Variants in RAPGEF1 observed in about 807,000 individuals in gnomAD.
RAPGEF1 encodes Rap guanine nucleotide exchange factor 1, also known as CRK SH3-binding GNRP.
A neutral mutation model predicts 143.3 loss-of-function variants in RAPGEF1; 33 were observed. The observed-to-expected ratio is 0.23, with a 90% CI of 0.17 to 0.31. The LOEUF (loss-of-function observed/expected upper bound fraction) is 0.31, where lower values mean the gene tolerates loss of function less well. Ranked by LOEUF, RAPGEF1 falls within the 10% of genes least tolerant of loss-of-function variation. The pLI is 1.00. For missense variants in RAPGEF1, 1,199 were observed against 1,645.4 expected (o/e 0.73, Z 4.69); for synonymous variants, 629 against 676.5 (o/e 0.93, Z 1.09).
intron 1 of RAPGEF1, among the ~76,000 whole-genome samples, chr9:131,717,635 T>C (rs1025807134): frequency 2.0e-5 from 3 of 151,870 alleles, no homozygotes; most frequent in Non-Finnish European, 2.9e-5. Flanking sequence ...TAGCGAGGCA[T>C]GGTGGTGCAT....
At chr9:131,701,712 G>A (rs745449987) in intron 1 of RAPGEF1, among the ~76,000 whole-genome samples, 39 of 152,056 alleles carry the variant, frequency 2.6e-4, no homozygotes, top group Non-Finnish European at 4.4e-4. Flanking sequence ...TATTACATGC[G>A]TTATTATATC....
intron 4 of RAPGEF1, among the ~76,000 whole-genome samples, chr9:131,640,297 T>C (rs1421009407): frequency 6.6e-6 from 1 of 152,210 alleles, no homozygotes; most frequent in Non-Finnish European, 1.5e-5. Context: ...CCTGATGTGC[T>C]GTAGGAGGAT....
At chr9:131,723,782 G>A (rs944377841) in intron 1 of RAPGEF1, among the ~76,000 whole-genome samples, 14 of 152,058 alleles carry the variant, frequency 9.2e-5, no homozygotes, top group African/African-American at 2.9e-4. Context: ...CTTCTTTTGC[G>A]TACACACCCA....
chr9:131,644,719 C>A (rs1055688376), intron 3 of RAPGEF1, among the ~76,000 whole-genome samples: 10 of 152,242 alleles, frequency 6.6e-5, no homozygotes, highest in African/African-American at 2.4e-4. Context: ...AATCCCAGCA[C>A]TTTGGGAGGC....
In RAPGEF1 at chr9:131,703,421, C is replaced by T. The variant is rs576135769; in HGVS notation, c.61+36349G>A. On this transcript the variant is annotated intron_variant, in intron 1 of 26. Transcript: ENST00000683357. ...TCAACCAAAATTAAATGTAACTTCT[C>T]TGTATGTGGCCTAAAAGCAATAACA... Among the ~76,000 whole-genome samples the T allele has an allele frequency of 2.8e-4, 42 of 152,304 alleles. 1 individual carries two copies. The highest frequency in any genetic ancestry group is 9.8e-4 in the Admixed American group (15 of 15,292).
At chr9:131,601,205 C>T (rs907506735) in intron 15 of RAPGEF1, among the ~76,000 whole-genome samples, 1 of 142,484 alleles carries the variant, frequency 7.0e-6, no homozygotes, top group Non-Finnish European at 1.5e-5. Context: ...AGTTATAAGA[C>T]ATTAAAGAGC....
At chr9:131,658,918 G>T (rs557679362) in intron 1 of RAPGEF1, among the ~76,000 whole-genome samples, 23 of 152,188 alleles carry the variant, frequency 1.5e-4, no homozygotes, top group Non-Finnish European at 3.1e-4. Flanking sequence ...TCCCAACTTA[G>T]CAGTGGTTTC....
At position 131,584,650 on chromosome 9, in the gene RAPGEF1, C is replaced by T. The variant is rs1952421900; in HGVS notation, c.3234-54G>A. 7 of 1,581,374 alleles carry T rather than the reference C, an allele frequency of 4.4e-6. No homozygotes were observed. In the South Asian group the frequency reaches 7.7e-5, roughly 17 times the overall value. On this transcript the variant is annotated intron_variant, in intron 22 of 26. Transcript: ENST00000683357. This position sits in a 1 kb window ranked among gnomAD's most constrained non-coding sequence, Gnocchi z 6.8. ...CTGAGTTGACAAGTCCCTGCAGGTC[C>T]CAGGGGTCCTGGTGGAGACAGGACC... is the stretch of plus-strand genomic sequence containing the variant.
At chr9:131,736,857 T>C (rs1301099200) in intron 1 of RAPGEF1, among the ~76,000 whole-genome samples, 3 of 152,308 alleles carry the variant, frequency 2.0e-5, no homozygotes, top group Middle Eastern at 3.4e-3. Flanking sequence ...ATTGTTTGCC[T>C]GGTGTCAGGC....
intron 1 of RAPGEF1, among the ~76,000 whole-genome samples, chr9:131,705,263 A>G (rs977592862): frequency 4.6e-5 from 7 of 152,242 alleles, no homozygotes; most frequent in African/African-American, 1.7e-4. Flanking sequence ...GCACTCACAG[A>G]GGGCACATGT....
intron 10 of RAPGEF1, among the ~76,000 whole-genome samples, chr9:131,624,811 A>T (rs916950205): frequency 4.6e-5 from 7 of 152,238 alleles, no homozygotes; most frequent in African/African-American, 1.7e-4. Context: ...GATGGGGATG[A>T]CATCATTAGT....
Position 131,588,017 on chromosome 9 carries a change from G to A in RAPGEF1, c.3063C>T (p.Thr1021=). ...AARGVAARPG[T]LHDFHSHEIA... ...TCTCATGGCTGTGAAAGTCGTGCAA[G>A]GTCCCCGGCCTGGAAGACAGAGGTG... Residue 1021 remains threonine (T), a synonymous_variant, in exon 21 of 27, where the codon ACC becomes ACT. Transcript: ENST00000683357. 3 of 1,612,408 alleles carry A rather than the reference G, an allele frequency of 1.9e-6. No individual in the cohort carries two copies. Among genetic ancestry groups the A allele is most frequent in the South Asian group, 1.1e-5 (1 of 90,872 alleles).
intron 12 of RAPGEF1, among the ~76,000 whole-genome samples, chr9:131,607,386 G>A (rs1218714674): frequency 6.6e-6 from 1 of 152,222 alleles, no homozygotes; most frequent in Non-Finnish European, 1.5e-5. Context: ...CAATTACCCA[G>A]GATGGCGCTG....
intron 10 of RAPGEF1, among the ~76,000 whole-genome samples, chr9:131,623,345 T>C (rs188995117): frequency 6.6e-6 from 1 of 152,284 alleles, no homozygotes; most frequent in Admixed American, 6.5e-5. Flanking sequence ...TATGTGCCTA[T>C]GGTCCCAGCT....
chr9:131,685,202 T>C (rs1011688558), intron 1 of RAPGEF1, among the ~76,000 whole-genome samples: 6 of 152,220 alleles, frequency 3.9e-5, no homozygotes, highest in Non-Finnish European at 8.8e-5. Flanking sequence ...GTTGTCTTTG[T>C]ACAGTCTGCA....
In RAPGEF1 at chr9:131,716,914, C is replaced by T. The variant is rs1337766504; in HGVS notation, c.61+22856G>A. 2.6e-5 allele frequency among the ~76,000 whole-genome samples: 4 copies of T among 152,312 alleles called. No homozygotes were observed. The South Asian group carries it at 6.2e-4, about 24-fold the overall frequency. On this transcript the variant is annotated intron_variant, in intron 1 of 26. Coordinates refer to ENST00000683357, the MANE Select transcript of RAPGEF1 (RefSeq NM_001377935.1). Reference sequence around the variant, plus strand: ...CACCTTCATCTCCCACTTCCTCACACGGCGACTGGACACTGTGCATAGCCG... The same window carrying T: ...CACCTTCATCTCCCACTTCCTCACATGGCGACTGGACACTGTGCATAGCCG...
In RAPGEF1 at chr9:131,588,862, TCTG is replaced by T; in HGVS notation, c.2989_2991del (p.Gln997del). On this transcript the variant is annotated inframe_deletion, in exon 20 of 27. Coordinates refer to ENST00000683357, the MANE Select transcript of RAPGEF1 (RefSeq NM_001377935.1). ...GAGGTGGCACACCTGAGTAGCTTCT[TCTG>T]GTCCACCTTGTCCAGGATGTTCTTC... The T allele has an allele frequency of 6.2e-7, 1 of 1,613,872 alleles. No individual in the cohort carries two copies. The highest frequency in any genetic ancestry group is 8.5e-7 in the Non-Finnish European group (1 of 1,179,818).
chr9:131,589,937 C>T lies in RAPGEF1; in HGVS notation c.2816G>A (p.Arg939His), dbSNP rs1433811488. 1.2e-6 allele frequency: 2 copies of T among 1,613,710 alleles called. No individual in the cohort carries two copies. The highest frequency in any genetic ancestry group is 2.2e-5 in the East Asian group (1 of 44,882). Residue 939 changes from arginine to histidine, a missense_variant, in exon 19 of 27, where the codon CGC becomes CAC. Arg to His is a conservative substitution (Grantham distance 29, BLOSUM62 0). Transcript: ENST00000683357. ...FSPFADTFKKRVSKNTFFVLV... is the reference protein window; with the variant it reads ...FSPFADTFKKHVSKNTFFVLV... ...CACGAAGAACGTGTTCTTGCTGACG[C>T]GCTTCTTGAATGTGTCGGCAAAGGG... is the stretch of plus-strand genomic sequence containing the variant.
intron 1 of RAPGEF1, among the ~76,000 whole-genome samples, chr9:131,701,375 A>G (rs374973439): frequency 6.6e-6 from 1 of 152,180 alleles, no homozygotes; most frequent in Admixed American, 6.5e-5. Context: ...ATTCTGTCAC[A>G]CTTAGGGTTT....
Sources: gnomAD v4.1 joint callset for allele counts (sites outside exome capture counted in the v4.1 genomes callset) on GRCh38, gnomAD v4.1.1 for gene constraint, Gnocchi (gnomAD v3.1) non-coding constraint, MANE v1.5 for transcripts, NCBI Gene and HGNC (gene_info 2026-07-23, HGNC 2026-07-21) for gene names.